The following FBXO3 variants were observed in gnomAD, a reference collection of about 807,000 sequenced individuals.
FBXO3 encodes F-box only protein 3.
FBXO3 carries 17 observed loss-of-function variants against 64.8 expected under a neutral mutation model. That is an observed-to-expected ratio of 0.26 (90% confidence interval 0.18 to 0.39). The LOEUF (loss-of-function observed/expected upper bound fraction) is 0.39. Ranked by LOEUF, FBXO3 falls within the 10% of genes least tolerant of loss-of-function variation. FBXO3 has a pLI of 1.00. For synonymous variants in FBXO3, 182 were observed against 201.6 expected, an observed-to-expected ratio of 0.90 and a Z score of 0.82; for missense variants, 420 against 589.9, an observed-to-expected ratio of 0.71 and a Z score of 2.98.
intron 3 of FBXO3, among the ~76,000 whole-genome samples, chr11:33,764,036 C>G (rs1855307836): frequency 6.6e-6 from 1 of 152,114 alleles, no homozygotes; most frequent in African/African-American, 2.4e-5. Flanking sequence ...CAGATATTTA[C>G]CCAGTAGAAA....
At chr11:33,774,322 AC>A in intron 1 of FBXO3, 71 bp downstream of exon 1, 2 of 1,237,080 alleles carry the variant, frequency 1.6e-6, no homozygotes, top group South Asian at 1.3e-5. Context: ...AGCGGCCCCG[AC>A]CCCCTTTCCC....
chr11:33,769,107 CCCTT>C (rs1228830629), intron 2 of FBXO3, 93 bp from the exon 3 acceptor site: 9 of 1,056,532 alleles, frequency 8.5e-6, no homozygotes, highest in East Asian at 2.8e-5. Context: ...TTGTACTTTT[CCCTT>C]CCTTTTCATT....
At chr11:33,761,358 A>C (rs1260948733) in intron 3 of FBXO3, among the ~76,000 whole-genome samples, 1 of 152,218 alleles carries the variant, frequency 6.6e-6, no homozygotes, top group Non-Finnish European at 1.5e-5. Flanking sequence ...CACATCTTAA[A>C]GTAAATACAG....
chr11:33,742,699 A>G (rs937552885), intron 10 of FBXO3: 4 of 152,250 alleles, frequency 2.6e-5, no homozygotes, highest in East Asian at 1.9e-4. Context: ...ATGCACTGTC[A>G]ACAAGAGATC....
rs1345481450 is a variant in FBXO3, at chr11:33,743,662, C to G, written c.1240-1578G>C. ...GCCTCCTTGGGTCAAGCACACCAAGCACATTACTGTTTCGGAACCTCCACA... is the reference window on the plus strand; with the variant it reads ...GCCTCCTTGGGTCAAGCACACCAAGGACATTACTGTTTCGGAACCTCCACA... On this transcript the variant is annotated intron_variant, in intron 10 of 10. Coordinates refer to ENST00000265651, the MANE Select transcript of FBXO3 (RefSeq NM_012175.4). The surrounding 1 kb of genome is among the most constrained non-coding windows in gnomAD (Gnocchi z 4.6). 1.3e-5 allele frequency: 2 copies of G among 152,412 alleles called. No homozygotes were observed. Among genetic ancestry groups the G allele is most frequent in the Non-Finnish European group, 2.9e-5 (2 of 68,150 alleles). 9.4% of individuals were successfully genotyped at this position (152,412 alleles called of 1,614,324 possible).
chr11:33,748,892 C>A lies in FBXO3; in HGVS notation c.933G>T (p.Arg311Ser). Residue 311 changes from arginine (R) to serine (S), a missense_variant and splice_region_variant, in exon 9 of 11, where the codon AGG (arginine) becomes AGT (serine). This residue lies in a region of FBXO3 where 337 missense variants were observed against 518.4 expected (regional missense o/e 0.65). Coordinates refer to ENST00000265651, the MANE Select transcript of FBXO3 (RefSeq NM_012175.4). ...GAAGTGCATCTTTTGACATTTCAAT[C>A]CTAGAGAAGGGAATGGGGTGGTAGA... ...PPHYFFTYRI[R>S]IEMSKDALPE... is the part of the protein sequence containing the mutation. 3 of 1,605,898 alleles carry A rather than the reference C, an allele frequency of 1.9e-6. No individual in the cohort carries two copies. The highest frequency in any genetic ancestry group is 1.7e-6 in the Non-Finnish European group (2 of 1,172,886).
chr11:33,763,326 AC>A (rs1189266956), intron 3 of FBXO3: 1 of 430,266 alleles, frequency 2.3e-6, no homozygotes, highest in Non-Finnish European at 4.7e-6. Flanking sequence ...TACAGGCCAA[AC>A]TCTCATGAAC....
At chr11:33,771,077 A>T (rs1190687009) in intron 1 of FBXO3, 1 of 339,372 alleles carries the variant, frequency 2.9e-6, no homozygotes, top group Admixed American at 4.1e-5. Flanking sequence ...TTTTTCACAA[A>T]AATATCTACA....
chr11:33,766,846 CT>C (rs915190278), intron 3 of FBXO3, among the ~76,000 whole-genome samples: 3 of 152,066 alleles, frequency 2.0e-5, no homozygotes, highest in African/African-American at 7.2e-5. Flanking sequence ...ATCAAAGAGC[CT>C]TTATCCTATT....
intron 10 of FBXO3, chr11:33,744,593 C>G (rs981322870): frequency 2.0e-5 from 3 of 152,188 alleles, no homozygotes; most frequent in African/African-American, 7.2e-5. Context: ...ACAAATACAA[C>G]CCCCATGGCT....
intron 9 of FBXO3, among the ~76,000 whole-genome samples, chr11:33,748,010 A>T (rs1854862156): frequency 6.6e-6 from 1 of 152,210 alleles, no homozygotes; most frequent in Non-Finnish European, 1.5e-5. Flanking sequence ...GGTAATCTAA[A>T]TATTTTTAAA....
In FBXO3 at chr11:33,768,139, C is replaced by T. The variant is rs180999717; in HGVS notation, c.358+712G>A. 2.0e-5 allele frequency among the ~76,000 whole-genome samples: 3 copies of T among 152,194 alleles called. No homozygotes were observed. The East Asian group carries it at 5.8e-4, about 29-fold the overall frequency. ...AGCAAAACCGAACATCTATACAATG[C>T]CTTTCAGTGTAGAAATCTGAAAAAA... On this transcript the variant is annotated intron_variant, in intron 3 of 10. Coordinates refer to ENST00000265651, the MANE Select transcript of FBXO3 (RefSeq NM_012175.4).
chr11:33,745,753 A>T (rs1380863741), intron 10 of FBXO3: 1 of 152,196 alleles, frequency 6.6e-6, no homozygotes, highest in Non-Finnish European at 1.5e-5. Flanking sequence ...AAGCAAACTC[A>T]AAGTAGAAGG....
At chr11:33,755,042 G>T (rs1199161218) in intron 5 of FBXO3, among the ~76,000 whole-genome samples, 4 of 150,936 alleles carry the variant, frequency 2.7e-5, no homozygotes, top group African/African-American at 9.7e-5. Context: ...GTTTTTGTGT[G>T]TTTTTTTTCA....
rs1472786459 is a variant in FBXO3 at position 33,741,283 on chromosome 11, A to AT, written c.*624dup. Reference sequence around the variant, plus strand: ...AAGACTTTAAATTAAATCCAAGGTCATCATGTTGAAGACCTGAAATTAAAT... The same window carrying AT: ...AAGACTTTAAATTAAATCCAAGGTCATTCATGTTGAAGACCTGAAATTAAAT... On this transcript the variant is annotated 3_prime_UTR_variant, in exon 11 of 11. Coordinates refer to ENST00000265651, the MANE Select transcript of FBXO3 (RefSeq NM_012175.4). 6.5e-6 allele frequency: 1 copy of AT among 152,684 alleles called. No homozygotes were observed. The highest frequency in any genetic ancestry group is 1.9e-4 in the East Asian group (1 of 5,208). The allele number at this position is 152,684 out of a possible 1,614,324, so 9.5% of individuals were successfully genotyped here.
intron 3 of FBXO3, among the ~76,000 whole-genome samples, chr11:33,768,134 C>T (rs1052818379): frequency 4.6e-5 from 7 of 151,678 alleles, no homozygotes; most frequent in African/African-American, 1.7e-4. Context: ...AACATCTATA[C>T]AATGCCTTTC....
chr11:33,741,977 A>G lies in FBXO3; in HGVS notation c.1347T>C (p.Asp449=), dbSNP rs769381313. The G allele has an allele frequency of 4.3e-6, 7 of 1,613,824 alleles. No individual in the cohort carries two copies. In the South Asian group the frequency reaches 5.5e-5, roughly 13 times the overall value. The change falls in exon 11 of 11, where the codon GAT becomes GAC. Residue 449 remains aspartate, a synonymous_variant. Transcript: ENST00000265651. ...AGACTCTCCTCCGTCTCTCCTCTTC[A>G]TCATCTTCATCTGATTCATCCATAT... ...SADMDESDED[D]EEERRRRVFD...
intron 8 of FBXO3, 40 bp downstream of exon 8, chr11:33,750,499 C>T (rs1854927412): frequency 1.2e-6 from 2 of 1,608,058 alleles, no homozygotes; most frequent in Non-Finnish European, 1.7e-6. Flanking sequence ...TGGATATATC[C>T]CACCATTAAC....
intron 3 of FBXO3, among the ~76,000 whole-genome samples, chr11:33,764,338 A>C (rs1176252255): frequency 6.6e-6 from 1 of 152,240 alleles, no homozygotes; most frequent in Non-Finnish European, 1.5e-5. Flanking sequence ...TCTGTGAAAG[A>C]GGGAAGGACT....
Sources: gnomAD v4.1 joint callset for allele counts (sites outside exome capture counted in the v4.1 genomes callset) on GRCh38, gnomAD v4.1.1 for gene constraint, gnomAD v4.1.1 regional missense constraint, Gnocchi (gnomAD v3.1) non-coding constraint, MANE v1.5 for transcripts, NCBI Gene and HGNC (gene_info 2026-07-23, HGNC 2026-07-21) for gene names.